The following MED26 variants were observed in gnomAD, a reference collection of about 807,000 sequenced individuals.
The protein encoded by MED26 is mediator of RNA polymerase II transcription subunit 26.
In MED26, 7 loss-of-function variants were observed where a neutral mutation model predicts 43.7. The observed-to-expected ratio is 0.16, with a 90% CI of 0.09 to 0.30. The LOEUF (loss-of-function observed/expected upper bound fraction) is 0.30. MED26 is among the 10% of genes least tolerant of loss of function. The pLI, the probability that MED26 is intolerant of heterozygous loss-of-function variation, is 1.00. For missense variants in MED26, 784 were observed against 840.6 expected, an observed-to-expected ratio of 0.93 and a Z score of 0.83; for synonymous variants, 375 against 371.1, an observed-to-expected ratio of 1.01 and a Z score of -0.12.
At position 16,577,353 on chromosome 19, in the gene MED26, T is replaced by C; in HGVS notation, c.477A>G (p.Pro159=). 6.2e-7 allele frequency: 1 copy of C among 1,611,630 alleles called. No individual in the cohort carries two copies. The highest frequency in any genetic ancestry group is 8.5e-7 in the Non-Finnish European group (1 of 1,179,108). Residue 159 remains proline (P), a synonymous_variant, in exon 3 of 3, where the codon CCA becomes CCG. Transcript: ENST00000263390. This position sits in a 1 kb window ranked among gnomAD's most constrained non-coding sequence, Gnocchi z 8.1. The stretch of plus-strand genomic sequence containing the variant: ...CTTTGGAGACCTTGGGTGGCGGCCC[T>C]GGGTGGCCGAGGTCACGCTGGTCAC... ...RRGDQRDLGH[P]GPPPKVSKAS... is the part of the protein sequence containing the mutation.
chr19:16,624,586 C>T (rs950539959), intron 1 of MED26: 1 of 152,288 alleles, frequency 6.6e-6, no homozygotes, highest in African/African-American at 2.4e-5. Context: ...ACACCGTCTA[C>T]TATTCGTCGG....
In MED26 at chr19:16,627,933, G is replaced by A; in HGVS notation, c.11C>T (p.Ala4Val). 6.7e-7 allele frequency: 1 copy of A among 1,486,108 alleles called. No homozygotes were observed. Among genetic ancestry groups the A allele is most frequent in the Non-Finnish European group, 8.9e-7 (1 of 1,117,584 alleles). 92.1% of individuals were successfully genotyped at this position (1,486,108 alleles called of 1,614,324 possible). A position where few individuals can be genotyped will look rare whatever the true frequency, so the allele number is the denominator to read the frequency against. Reference protein sequence around the residue: MTAAPASPQQIRDR... With the variant: MTAVPASPQQIRDR... ...CCTGATCTGCTGCGGAGACGCCGGAGCCGCTGTCATTGCCTGGGCGAGGCG... is the reference window on the plus strand; with the variant it reads ...CCTGATCTGCTGCGGAGACGCCGGAACCGCTGTCATTGCCTGGGCGAGGCG... Residue 4 changes from alanine to valine, a missense_variant, in exon 1 of 3, where the codon GCT becomes GTT. Ala to Val is a moderately conservative substitution (Grantham distance 64). Transcript: ENST00000263390.
chr19:16,603,057 T>G (rs2086157056), intron 1 of MED26, among the ~76,000 whole-genome samples: 1 of 152,238 alleles, frequency 6.6e-6, no homozygotes, highest in African/African-American at 2.4e-5. Context: ...GAGCCCCTGC[T>G]GCCTAAGTTC....
intron 1 of MED26, among the ~76,000 whole-genome samples, chr19:16,591,311 G>C (rs1274237389): frequency 1.3e-5 from 2 of 152,014 alleles, no homozygotes; most frequent in African/African-American, 4.8e-5. Context: ...GGATCTCAGA[G>C]GGACTGTAAG....
Position 16,576,270 on chromosome 19 carries a change from G to A in MED26, c.1560C>T (p.Ser520=). 6.2e-7 allele frequency: 1 copy of A among 1,611,454 alleles called. No individual in the cohort carries two copies. Among genetic ancestry groups the A allele is most frequent in the South Asian group, 1.1e-5 (1 of 91,082 alleles). Residue 520 remains serine, a synonymous_variant, in exon 3 of 3, where the codon AGC becomes AGT. Coordinates refer to ENST00000263390, the MANE Select transcript of MED26 (RefSeq NM_004831.5). This position sits in a 1 kb window ranked among gnomAD's most constrained non-coding sequence, Gnocchi z 6.8. The stretch of plus-strand genomic sequence containing the variant: ...GCAGCTGCCTGGCCCCTTGCCGGGT[G>A]CTCTCCTCCTGCTTCAGGTACTCAG... ...FMSEYLKQEE[S]TRQGARQLHV...
chr19:16,601,334 T>C (rs548727514), intron 1 of MED26, among the ~76,000 whole-genome samples: 14 of 152,216 alleles, frequency 9.2e-5, no homozygotes, highest in African/African-American at 3.1e-4. Context: ...TTTGTATTTT[T>C]AGTAGAGACA....
At chr19:16,609,151 C>T (rs917415881) in intron 1 of MED26, among the ~76,000 whole-genome samples, 2 of 151,680 alleles carry the variant, frequency 1.3e-5, no homozygotes, top group Non-Finnish European at 2.9e-5. Flanking sequence ...CCTGTCTCTA[C>T]TAAAAATACA....
intron 1 of MED26, among the ~76,000 whole-genome samples, chr19:16,581,323 A>G (rs2086044591): frequency 6.6e-6 from 1 of 152,170 alleles, no homozygotes; most frequent in Admixed American, 6.5e-5. Flanking sequence ...TCCTCGTGCA[A>G]TGGGCAGGGA....
chr19:16,597,515 G>A (rs1468532092), intron 1 of MED26: 3 of 398,464 alleles, frequency 7.5e-6, no homozygotes, highest in Non-Finnish European at 1.3e-5. Context: ...TCATGCCTGG[G>A]TGAGCATCAG....
rs1464498012 is a variant in MED26 at position 16,587,553 on chromosome 19, CAG to C, written c.73-9146_73-9145del. 1 of 152,252 alleles carries C rather than the reference CAG, an allele frequency of 6.6e-6. No homozygotes were observed. The highest frequency in any genetic ancestry group is 1.5e-5 in the Non-Finnish European group (1 of 68,082). 9.4% of individuals were successfully genotyped at this position (152,252 alleles called of 1,614,324 possible). On this transcript the variant is annotated intron_variant, in intron 1 of 2. Transcript: ENST00000263390. This position sits in a 1 kb window ranked among gnomAD's most constrained non-coding sequence, Gnocchi z 4.9. ...GCAAAGCCTCAAGTTCACAGCTTCT[CAG>C]AGGAAGAATGACACTGGGAGGAACA...
chr19:16,576,484 A>G lies in MED26; in HGVS notation c.1346T>C (p.Val449Ala). 6.2e-7 allele frequency: 1 copy of G among 1,614,100 alleles called. No homozygotes were observed. Among genetic ancestry groups the G allele is most frequent in the East Asian group, 2.2e-5 (1 of 44,866 alleles). The change falls in exon 3 of 3, where the codon GTG becomes GCG. Residue 449 changes from valine to alanine, a missense_variant. Physicochemically the swap from Val to Ala is moderately conservative, Grantham distance 64. Around this residue, in one of 3 missense-constraint regions of MED26, gnomAD observed 719 missense variants for 730.9 expected, o/e 0.98. Transcript: ENST00000263390. The surrounding 1 kb of genome is among the most constrained non-coding windows in gnomAD (Gnocchi z 6.8). ...TGTCCTGGACTGCTGCTCCATGTGCACAGGGCTGTCTGCCCGCACTGGCTC... is the reference window on the plus strand; with the variant it reads ...TGTCCTGGACTGCTGCTCCATGTGCGCAGGGCTGTCTGCCCGCACTGGCTC... The part of the protein sequence containing the change: ...QKEPVRADSP[V>A]HMEQQSRTEL...
At chr19:16,606,204 G>C (rs773868372) in intron 1 of MED26, among the ~76,000 whole-genome samples, 3 of 152,198 alleles carry the variant, frequency 2.0e-5, no homozygotes, top group Non-Finnish European at 4.4e-5. Context: ...TGAATCTCAG[G>C]AGACTGTATG....
rs958101535 is a variant in MED26, at chr19:16,586,703, C to T, written c.73-8294G>A. ...TGCACATGGAGCACAGACTGCAGTT[C>T]TGCACTCCCCCACCTCGGTGTCCGG... On this transcript the variant is annotated intron_variant, in intron 1 of 2. Transcript: ENST00000263390. The surrounding 1 kb of genome is among the most constrained non-coding windows in gnomAD (Gnocchi z 5.1). 1.3e-5 allele frequency among the ~76,000 whole-genome samples: 2 copies of T among 152,214 alleles called. No individual in the cohort carries two copies. The highest frequency in any genetic ancestry group is 4.8e-5 in the African/African-American group (2 of 41,450).
chr19:16,614,983 A>G (rs2086217104), intron 1 of MED26, among the ~76,000 whole-genome samples: 1 of 152,120 alleles, frequency 6.6e-6, no homozygotes, highest in Non-Finnish European at 1.5e-5. Flanking sequence ...TCAGAAATGG[A>G]CCCACATCCA....
chr19:16,578,058 G>GT, intron 2 of MED26: 1 of 522,108 alleles, frequency 1.9e-6, no homozygotes, highest in Non-Finnish European at 3.4e-6. Context: ...GTTGGGGATG[G>GT]TGCCTCTCAC....
intron 1 of MED26, among the ~76,000 whole-genome samples, chr19:16,621,893 C>A (rs1413149031): frequency 6.6e-6 from 1 of 152,110 alleles, no homozygotes; most frequent in Non-Finnish European, 1.5e-5. Context: ...ATACTGAAAA[C>A]CAGTGCCATG....
At chr19:16,617,734 C>T (rs1035286196) in intron 1 of MED26, among the ~76,000 whole-genome samples, 5 of 152,206 alleles carry the variant, frequency 3.3e-5, no homozygotes, top group African/African-American at 1.2e-4. Context: ...TGAAGCTTTC[C>T]TGGGAGAAGA....
chr19:16,628,176 T>TGCCGCCGCCGCTCGCTGCC lies in MED26; in HGVS notation c.-234_-233insGGCAGCGAGCGGCGGCGGC. On this transcript the variant is annotated 5_prime_UTR_variant, in exon 1 of 3. Coordinates refer to ENST00000263390, the MANE Select transcript of MED26 (RefSeq NM_004831.5). ...AGCCGCCGGAGCCGCCGCCGCTCGC[T>TGCCGCCGCCGCTCGCTGCC]GCCGCCGCCTCGAGAACCAAACTCC... is the stretch of plus-strand genomic sequence containing the variant. The TGCCGCCGCCGCTCGCTGCC allele has an allele frequency of 2.8e-6, 1 of 354,552 alleles. No individual in the cohort carries two copies. The allele number at this position is 354,552 out of a possible 1,614,324, so 22.0% of individuals were successfully genotyped here.
chr19:16,607,209 A>T (rs1262737185), intron 1 of MED26, among the ~76,000 whole-genome samples: 4 of 152,066 alleles, frequency 2.6e-5, no homozygotes, highest in African/African-American at 4.8e-5. Flanking sequence ...ATAAAAATTT[A>T]AAAATTAAAA....
Sources: gnomAD v4.1 joint callset for allele counts (sites outside exome capture counted in the v4.1 genomes callset) on GRCh38, gnomAD v4.1.1 for gene constraint, gnomAD v4.1.1 regional missense constraint, Gnocchi (gnomAD v3.1) non-coding constraint, MANE v1.5 for transcripts, NCBI Gene and HGNC (gene_info 2026-07-23, HGNC 2026-07-21) for gene names.